The following TBC1D5 variants were observed in gnomAD, a reference collection of about 807,000 sequenced individuals.
TBC1D5 encodes the protein TBC1 domain family, member 5.
Under a neutral mutation model 100.3 loss-of-function variants are expected in TBC1D5, and 75 were observed. The ratio of observed to expected loss-of-function variants is 0.75; its 90% CI spans 0.62 to 0.91. The LOEUF is 0.91. Among genes scored for constraint, TBC1D5 ranks in the 40% least tolerant of loss-of-function variants. The pLI, the probability that TBC1D5 is intolerant of heterozygous loss-of-function variation, is 0.00. For missense variants in TBC1D5, 910 were observed against 942.4 expected, an observed-to-expected ratio of 0.97 and a Z score of 0.45; for synonymous variants, 323 against 325.6, an observed-to-expected ratio of 0.99 and a Z score of 0.09.
At chr3:17,343,036 T>C (rs1336968797) in intron 13 of TBC1D5, among the ~76,000 whole-genome samples, 1 of 152,176 alleles carries the variant, frequency 6.6e-6, no homozygotes, top group Admixed American at 6.5e-5. Flanking sequence ...GGCATCCCTG[T>C]CTTGTGCCAG....
At chr3:17,195,618 T>C (rs1456301250) in intron 18 of TBC1D5, among the ~76,000 whole-genome samples, 2 of 152,152 alleles carry the variant, frequency 1.3e-5, no homozygotes, top group African/African-American at 4.8e-5. Flanking sequence ...CTGACCTCTA[T>C]AATGTCCCAA....
intron 1 of TBC1D5, among the ~76,000 whole-genome samples, chr3:17,733,220 G>A (rs1002705148): frequency 3.3e-5 from 5 of 152,144 alleles, no homozygotes; most frequent in Non-Finnish European, 7.3e-5. Context: ...TATCTTCACT[G>A]CATCCAGGTC....
At chr3:17,192,937 C>T (rs2070151941) in intron 18 of TBC1D5, among the ~76,000 whole-genome samples, 1 of 152,226 alleles carries the variant, frequency 6.6e-6, no homozygotes, top group Non-Finnish European at 1.5e-5. Context: ...CCTTCTACCC[C>T]ACATCCTCCT....
intron 20 of TBC1D5, 117 bp downstream of exon 21, chr3:17,167,632 G>T: frequency 1.2e-6 from 1 of 846,954 alleles, no homozygotes; most frequent in Non-Finnish European, 1.9e-6. Flanking sequence ...GGCTCTGTCT[G>T]GGAGGAAATG....
intron 1 of TBC1D5, among the ~76,000 whole-genome samples, chr3:17,645,731 T>C (rs536089107): frequency 1.3e-5 from 2 of 152,206 alleles, no homozygotes; most frequent in South Asian, 4.2e-4. Context: ...CATGAACCAA[T>C]TCTACTACCA....
At chr3:17,258,567 G>C (rs763382559) in exon 16 of TBC1D5, 2 of 1,612,648 alleles carry the variant, frequency 1.2e-6, no homozygotes, top group Non-Finnish European at 1.7e-6. Context: ...GGATGGAATT[G>C]ATAAGTCACT....
chr3:17,593,859 T>C (rs1413743347), intron 2 of TBC1D5, among the ~76,000 whole-genome samples: 1 of 152,134 alleles, frequency 6.6e-6, no homozygotes, highest in Admixed American at 6.5e-5. Flanking sequence ...TTGGGCAAAG[T>C]TCTCCAGAAG....
chr3:17,671,648 T>A (rs2067955858), intron 1 of TBC1D5, among the ~76,000 whole-genome samples: 1 of 152,236 alleles, frequency 6.6e-6, no homozygotes, highest in Non-Finnish European at 1.5e-5. Flanking sequence ...CTCCTGTGAA[T>A]TCAAAAATAG....
chr3:17,594,618 A>G (rs914379776), intron 2 of TBC1D5, among the ~76,000 whole-genome samples: 3 of 152,182 alleles, frequency 2.0e-5, no homozygotes, highest in Non-Finnish European at 4.4e-5. Context: ...AAATACCTTC[A>G]TTTCCTTTCT....
chr3:17,491,896 T>C (rs755958943), intron 3 of TBC1D5, among the ~76,000 whole-genome samples: 2 of 152,340 alleles, frequency 1.3e-5, no homozygotes, highest in South Asian at 4.1e-4. Context: ...GCACCTCTGA[T>C]AGAATTTGGC....
At chr3:17,521,263 G>A (rs1473229425) in intron 2 of TBC1D5, among the ~76,000 whole-genome samples, 1 of 152,112 alleles carries the variant, frequency 6.6e-6, no homozygotes, top group Non-Finnish European at 1.5e-5. Flanking sequence ...ATTTTCTTCT[G>A]CATGTACCTC....
At chr3:17,360,157 T>C (rs1368229398) in intron 13 of TBC1D5, among the ~76,000 whole-genome samples, 1 of 152,058 alleles carries the variant, frequency 6.6e-6, no homozygotes, top group Admixed American at 6.6e-5. Flanking sequence ...TTCCTTTGTT[T>C]TACTGTGATT....
At chr3:17,402,586 G>T (rs1350025018) in intron 8 of TBC1D5, among the ~76,000 whole-genome samples, 2 of 152,078 alleles carry the variant, frequency 1.3e-5, no homozygotes, top group African/African-American at 4.8e-5. Flanking sequence ...TACAGCATCC[G>T]TTAGTTACGA....
At chr3:17,526,754 T>C (rs1037753958) in intron 2 of TBC1D5, among the ~76,000 whole-genome samples, 1 of 152,238 alleles carries the variant, frequency 6.6e-6, no homozygotes, top group African/African-American at 2.4e-5. Context: ...ACACTGTCAC[T>C]ACTCTAGTGA....
At chr3:17,712,258 T>C (rs1373862584) in intron 1 of TBC1D5, among the ~76,000 whole-genome samples, 1 of 152,146 alleles carries the variant, frequency 6.6e-6, no homozygotes, top group Non-Finnish European at 1.5e-5. Flanking sequence ...TGACAACTTT[T>C]ATTAAAAAGA....
At chr3:17,483,738 A>G (rs1347413132) in intron 3 of TBC1D5, among the ~76,000 whole-genome samples, 1 of 152,208 alleles carries the variant, frequency 6.6e-6, no homozygotes, top group Non-Finnish European at 1.5e-5. Flanking sequence ...GTGAAATTTA[A>G]CAAGACAAAA....
intron 2 of TBC1D5, among the ~76,000 whole-genome samples, chr3:17,543,560 C>A (rs913441736): frequency 3.3e-5 from 5 of 152,176 alleles, no homozygotes; most frequent in Admixed American, 2.6e-4. Context: ...ACTGATTGAG[C>A]CCAGGAGGTT....
At chr3:17,704,457 G>A (rs1287084329) in intron 1 of TBC1D5, among the ~76,000 whole-genome samples, 6 of 143,096 alleles carry the variant, frequency 4.2e-5, no homozygotes, top group Non-Finnish European at 7.7e-5. Flanking sequence ...AGACGGGGTG[G>A]TGGCCGGGCA....
intron 1 of TBC1D5, among the ~76,000 whole-genome samples, chr3:17,728,026 G>C (rs1275110921): frequency 6.6e-6 from 1 of 152,056 alleles, no homozygotes; most frequent in Non-Finnish European, 1.5e-5. Flanking sequence ...GAAGGACAAA[G>C]GGTGGAAAAT....
Sources: allele counts gnomAD v4.1 joint callset (sites outside exome capture counted in the v4.1 genomes callset), GRCh38; gene constraint gnomAD v4.1.1; transcripts MANE v1.5; gene names NCBI Gene and HGNC (gene_info 2026-07-23, HGNC 2026-07-21).